The following RB1 variants were observed in gnomAD, a reference collection of about 807,000 sequenced individuals.
RB1 encodes the protein RB transcriptional corepressor 1.
RB1 carries 18 observed loss-of-function variants against 135.4 expected under a neutral mutation model. The ratio of observed to expected loss-of-function variants is 0.13; its 90% confidence interval spans 0.09 to 0.20. The LOEUF (loss-of-function observed/expected upper bound fraction) is 0.20, where lower values mean the gene tolerates loss of function less well. Ranked by LOEUF, RB1 falls within the 10% of genes least tolerant of loss-of-function variation. RB1 has a pLI of 1.00. For synonymous variants in RB1, 365 were observed against 373.2 expected, an observed-to-expected ratio of 0.98 and a Z score of 0.25; for missense variants, 868 against 1,110.0, an observed-to-expected ratio of 0.78 and a Z score of 3.10.
chr13:48,378,798 T>C (rs537781539), intron 13 of RB1, among the ~76,000 whole-genome samples: 2 of 152,296 alleles, frequency 1.3e-5, no homozygotes, highest in South Asian at 4.1e-4. Flanking sequence ...TACATTACAC[T>C]AAACAATAGG....
chr13:48,307,252 C>T (rs758829606), intron 1 of RB1, 28 bp from the exon 2 acceptor site: 19 of 1,578,654 alleles, frequency 1.2e-5, no homozygotes, highest in Non-Finnish European at 1.5e-5. Context: ...AAGTATATGC[C>T]AATTATATGA....
rs565090549 is a variant in RB1 at position 48,348,645 on chromosome 13, A to C, written c.540-311A>C. The stretch of plus-strand genomic sequence containing the variant: ...GAAATATTCAGTATTTCTTTTACAA[A>C]ATTTTTCTTTCAAAATGTATACTTT... On this transcript the variant is annotated intron_variant, in intron 5 of 26. Transcript: ENST00000267163. 3.4e-4 allele frequency among the ~76,000 whole-genome samples: 51 copies of C among 151,396 alleles called. 1 individual carries two copies. The South Asian group carries it at 6.8e-3, about 20-fold the overall frequency.
At chr13:48,343,953 T>C (rs758665382) in intron 3 of RB1, among the ~76,000 whole-genome samples, 14 of 152,150 alleles carry the variant, frequency 9.2e-5, no homozygotes, top group Non-Finnish European at 1.9e-4. Flanking sequence ...ATTTCCCCAG[T>C]GTTTGATTGG....
intron 17 of RB1, among the ~76,000 whole-genome samples, chr13:48,419,329 T>C (rs1948967709): frequency 6.6e-6 from 1 of 152,180 alleles, no homozygotes; most frequent in Admixed American, 6.5e-5. Flanking sequence ...AGAAGTTCTT[T>C]GAAACCAATG....
rs780006952 is a variant in RB1, at chr13:48,367,495, T to A, written c.941T>A (p.Val314Asp). Residue 314 changes from valine to aspartate, a missense_variant and splice_region_variant, in exon 10 of 27, where the codon GTT (valine) becomes GAT (aspartate). By Grantham distance (152) the Val-to-Asp change is radical. Coordinates refer to ENST00000267163, the MANE Select transcript of RB1 (RefSeq NM_000321.3). ...TGTCAGTGACTTTTTTCTTTCAAGG[T>A]TGAAAATCTTTCTAAACGATACGAA... is the stretch of plus-strand genomic sequence containing the variant. ...GLVTSNGLPE[V>D]ENLSKRYEEI... The A allele has an allele frequency of 1.1e-5, 17 of 1,602,248 alleles. No individual in the cohort carries two copies. Among genetic ancestry groups the A allele is most frequent in the Non-Finnish European group, 1.3e-5 (15 of 1,173,178 alleles).
chr13:48,379,978 A>G, intron 14 of RB1, 75 bp from the exon 15 acceptor site: 1 of 1,004,182 alleles, frequency 1.0e-6, no homozygotes, highest in Non-Finnish European at 1.3e-6. Context: ...AAAAAAAAAA[A>G]AAAAATTCAA....
At chr13:48,476,628 CTA>C in intron 24 of RB1, 71 bp from the exon 25 acceptor site, 1 of 1,502,476 alleles carries the variant, frequency 6.7e-7, no homozygotes, top group Non-Finnish European at 9.2e-7. Flanking sequence ...ACACCTCAAA[CTA>C]TAACTTGAGG....
chr13:48,313,854 T>A (rs1952156500), intron 2 of RB1, among the ~76,000 whole-genome samples: 1 of 144,494 alleles, frequency 6.9e-6, no homozygotes, highest in Non-Finnish European at 1.5e-5. Context: ...GTTCATGCCA[T>A]TCTCCTGCCT....
chr13:48,413,442 G>A (rs1488121063), intron 17 of RB1, among the ~76,000 whole-genome samples: 2 of 152,112 alleles, frequency 1.3e-5, no homozygotes, highest in African/African-American at 2.4e-5. Context: ...TTTGGGATAT[G>A]ACAATTTAGA....
intron 11 of RB1, among the ~76,000 whole-genome samples, chr13:48,370,973 A>T (rs1443175782): frequency 6.6e-6 from 1 of 152,198 alleles, no homozygotes; most frequent in Admixed American, 6.5e-5. Flanking sequence ...GTATTTTACG[A>T]GTTGTATGTC....
In RB1 at chr13:48,412,154, C is replaced by T. The variant is rs759627272; in HGVS notation, c.1695+30711C>T. 5 of 1,613,956 alleles carry T rather than the reference C, an allele frequency of 3.1e-6. No individual in the cohort carries two copies. In the South Asian group the frequency reaches 5.5e-5, roughly 18 times the overall value. ...TGGTATAAAACAGCATCACAGAAAT[C>T]TTACAAAGTAAATCTCCAAATGGCC... is the stretch of plus-strand genomic sequence containing the variant. On this transcript the variant is annotated intron_variant, in intron 17 of 26. Coordinates refer to ENST00000267163, the MANE Select transcript of RB1 (RefSeq NM_000321.3).
intron 17 of RB1, among the ~76,000 whole-genome samples, chr13:48,447,545 C>T (rs964858581): frequency 6.6e-6 from 1 of 152,156 alleles, no homozygotes; most frequent in Non-Finnish European, 1.5e-5. Context: ...ATATATTACT[C>T]TGTGTCAAGC....
intron 6 of RB1, among the ~76,000 whole-genome samples, chr13:48,357,155 A>G (rs1182980587): frequency 6.6e-6 from 1 of 151,622 alleles, no homozygotes; most frequent in East Asian, 1.9e-4. Flanking sequence ...AGAAAATCTT[A>G]ACATACTCTA....
chr13:48,327,787 T>TA lies in RB1; in HGVS notation c.265-14805dup, dbSNP rs1322593302. ...CTCTTAATGTGCTAATAGTTGTGTC[T>TA]AAAAAAATAGGCAATTCTTAAAAAG... On this transcript the variant is annotated intron_variant, in intron 2 of 26. Transcript: ENST00000267163. 2.6e-5 allele frequency among the ~76,000 whole-genome samples: 4 copies of TA among 152,250 alleles called. 1 individual carries two copies. Among genetic ancestry groups the TA allele is most frequent in the Admixed American group, 2.6e-4 (4 of 15,300 alleles).
chr13:48,380,369 T>A, intron 16 of RB1, 128 bp downstream of exon 16: 1 of 691,102 alleles, frequency 1.4e-6, no homozygotes, highest in Non-Finnish European at 2.4e-6. Context: ...GATCACTATA[T>A]ACTGAAGAAT....
In RB1 at chr13:48,381,973, G is replaced by A. The variant is rs540027501; in HGVS notation, c.1695+530G>A. Among the ~76,000 whole-genome samples, 397 of 152,226 alleles carry A rather than the reference G, an allele frequency of 2.6e-3. 2 individuals are homozygous for A. Among genetic ancestry groups the A allele is most frequent in the Middle Eastern group, 0.014 (4 of 294 alleles). Reference sequence around the variant, plus strand: ...TGGTTTTCTGTCTTGGCAATAGTTTGCTCAGAATGATGGTTTCCAGCTTCA... The same window carrying A: ...TGGTTTTCTGTCTTGGCAATAGTTTACTCAGAATGATGGTTTCCAGCTTCA... On this transcript the variant is annotated intron_variant, in intron 17 of 26. Transcript: ENST00000267163.
Position 48,459,941 on chromosome 13 carries a change from CTTT to C in RB1, c.2106+109_2106+111del, listed in dbSNP as rs1949390521. ...TCTTTCTTTCTTTCTTTCTTTCTTT[CTTT>C]CTTTCTTTTTCTTTCTTTCTTTCTC... On this transcript the variant is annotated intron_variant, in intron 20 of 26. Transcript: ENST00000267163. The C allele has an allele frequency of 2.6e-5, 12 of 466,114 alleles. 1 individual carries two copies. Among genetic ancestry groups the C allele is most frequent in the African/African-American group, 7.5e-5 (2 of 26,508 alleles). The allele number at this position is 466,114 out of a possible 1,614,324, so 28.9% of individuals were successfully genotyped here.
chr13:48,448,386 G>A (rs1302834916), intron 17 of RB1, among the ~76,000 whole-genome samples: 2 of 152,246 alleles, frequency 1.3e-5, no homozygotes, highest in Middle Eastern at 3.4e-3. Flanking sequence ...TCCAGCTCCT[G>A]TAGGACACCT....
chr13:48,313,679 T>A (rs1457560919), intron 2 of RB1, among the ~76,000 whole-genome samples: 4 of 151,802 alleles, frequency 2.6e-5, no homozygotes. Context: ...TGAAAATCAG[T>A]TGACTATAAA....
Sources: gnomAD v4.1 joint callset for allele counts (sites outside exome capture counted in the v4.1 genomes callset) on GRCh38, gnomAD v4.1.1 for gene constraint, MANE v1.5 for transcripts, NCBI Gene and HGNC (gene_info 2026-07-23, HGNC 2026-07-21) for gene names.